DAP: variants seen among roughly 807,000 people sequenced by gnomAD.
DAP encodes death associated protein.
DAP carries 8 observed loss-of-function variants against 13.8 expected under a neutral mutation model. That is an observed-to-expected ratio of 0.58 (90% CI 0.34 to 1.05). The LOEUF is 1.05. Among genes scored for constraint, DAP ranks in the 50% least tolerant of loss-of-function variants. DAP has a pLI of 0.03. For synonymous variants in DAP, 47 were observed against 47.5 expected (o/e 0.99, Z 0.04); for missense variants, 106 against 133.2 (o/e 0.80, Z 1.01).
At chr5:10,715,661 G>A (rs1227614847) in intron 2 of DAP, among the ~76,000 whole-genome samples, 2 of 152,144 alleles carry the variant, frequency 1.3e-5, no homozygotes, top group Non-Finnish European at 2.9e-5. Flanking sequence ...TAACGCAGTT[G>A]TTAGGAAGTG....
intron 2 of DAP, among the ~76,000 whole-genome samples, chr5:10,728,879 A>G (rs55976501): frequency 0.089 from 13,483 of 152,230 alleles, 817 homozygotes; most frequent in African/African-American, 0.17. Context: ...CCCAGAATCA[A>G]TGACATCATT....
intron 3 of DAP, among the ~76,000 whole-genome samples, chr5:10,681,800 G>A (rs879708092): frequency 9.9e-5 from 12 of 120,752 alleles, no homozygotes; most frequent in Non-Finnish European, 1.6e-4. Flanking sequence ...CTGCAGGAAG[G>A]ATGGCGGTTG....
At chr5:10,703,848 TG>T (rs1738638365) in intron 2 of DAP, among the ~76,000 whole-genome samples, 2 of 152,236 alleles carry the variant, frequency 1.3e-5, no homozygotes, top group Admixed American at 6.5e-5. Context: ...GGCGTGGCTG[TG>T]GGGATGTGCC....
chr5:10,761,077 G>T lies in DAP; in HGVS notation c.-9C>A. The T allele has an allele frequency of 8.2e-7, 1 of 1,212,432 alleles. No homozygotes were observed. Among genetic ancestry groups the T allele is most frequent in the Non-Finnish European group, 1.0e-6 (1 of 963,762 alleles). The allele number at this position is 1,212,432 out of a possible 1,614,324, so 75.1% of individuals were successfully genotyped here. On this transcript the variant is annotated 5_prime_UTR_variant, in exon 1 of 4. Coordinates refer to ENST00000230895, the MANE Select transcript of DAP (RefSeq NM_004394.3). Reference sequence around the variant, plus strand: ...TCGGGAGGCGAAGACATGACGCGGCGGGGCTTCCGCGGGGCCGAGGCGGCG... The same window carrying T: ...TCGGGAGGCGAAGACATGACGCGGCTGGGCTTCCGCGGGGCCGAGGCGGCG...
intron 2 of DAP, among the ~76,000 whole-genome samples, chr5:10,721,404 A>T (rs990926490): frequency 2.6e-5 from 4 of 152,184 alleles, no homozygotes; most frequent in African/African-American, 9.7e-5. Flanking sequence ...TGAAGTTAAG[A>T]TTGCCTGGAC....
At position 10,761,158 on chromosome 5, in the gene DAP, GGAGC is replaced by G. The variant is rs1402990285; in HGVS notation, c.-94_-91del. On this transcript the variant is annotated 5_prime_UTR_variant, in exon 1 of 4. Transcript: ENST00000230895. The stretch of plus-strand genomic sequence containing the variant: ...GAGTGAGCTCAGGTGTGAGCGCCGG[GGAGC>G]GAGCGGGCGGGAGAACGACGCGCGC... 3 of 742,100 alleles carry G rather than the reference GGAGC, an allele frequency of 4.0e-6. No homozygotes were observed. In the African/African-American group the frequency reaches 5.7e-5, roughly 14 times the overall value. The allele number at this position is 742,100 out of a possible 1,614,324, so 46.0% of individuals were successfully genotyped here.
chr5:10,680,495 C>G lies in DAP; in HGVS notation c.*561G>C. 1 of 551,108 alleles carries G rather than the reference C, an allele frequency of 1.8e-6. No individual in the cohort carries two copies. The highest frequency in any genetic ancestry group is 3.2e-6 in the Non-Finnish European group (1 of 314,010). 34.1% of individuals were successfully genotyped at this position (551,108 alleles called of 1,614,324 possible). On this transcript the variant is annotated 3_prime_UTR_variant, in exon 4 of 4. Coordinates refer to ENST00000230895, the MANE Select transcript of DAP (RefSeq NM_004394.3). ...TAAGATGCATGCTTTTTCGGCTTTT[C>G]TCATGGGTGCCTCATCAGCCTGCAC...
At chr5:10,728,729 G>C (rs1739355447) in intron 2 of DAP, among the ~76,000 whole-genome samples, 1 of 152,170 alleles carries the variant, frequency 6.6e-6, no homozygotes, top group Non-Finnish European at 1.5e-5. Context: ...CACAGCACTG[G>C]ACAGGGGGCT....
chr5:10,753,508 G>A (rs1321395212), intron 1 of DAP, among the ~76,000 whole-genome samples: 1 of 152,200 alleles, frequency 6.6e-6, no homozygotes, highest in African/African-American at 2.4e-5. Context: ...CTTTACCTAC[G>A]GTCACATCTG....
chr5:10,761,110 T>G lies in DAP; in HGVS notation c.-42A>C. The G allele has an allele frequency of 7.0e-6, 8 of 1,141,308 alleles. No homozygotes were observed. The highest frequency in any genetic ancestry group is 5.5e-6 in the Non-Finnish European group (5 of 907,138). The allele number at this position is 1,141,308 out of a possible 1,614,324, so 70.7% of individuals were successfully genotyped here. On this transcript the variant is annotated 5_prime_UTR_variant, in exon 1 of 4. Transcript: ENST00000230895. The stretch of plus-strand genomic sequence containing the variant: ...CGCGGGGCCGAGGCGGCGGCGCGGT[T>G]CTCGGGCCGGGCGGGCGTGCGCGAG...
At chr5:10,710,024 T>C (rs1032488089) in intron 2 of DAP, among the ~76,000 whole-genome samples, 11 of 152,178 alleles carry the variant, frequency 7.2e-5, no homozygotes, top group African/African-American at 2.4e-4. Flanking sequence ...TCGAGGCTGA[T>C]TGCCAGGCTC....
intron 2 of DAP, among the ~76,000 whole-genome samples, chr5:10,689,971 C>T (rs1004252815): frequency 6.6e-6 from 1 of 152,190 alleles, no homozygotes; most frequent in African/African-American, 2.4e-5. Flanking sequence ...GGAAGAACAA[C>T]ATGAAGGCCT....
chr5:10,734,714 G>A (rs62336770), intron 2 of DAP, among the ~76,000 whole-genome samples: 8,265 of 152,258 alleles, frequency 0.054, 270 homozygotes, highest in South Asian at 0.082. Flanking sequence ...TGGGAGAAAT[G>A]TTTAATTTCT....
In DAP at chr5:10,680,613, A is replaced by C; in HGVS notation, c.*443T>G. 1 of 965,124 alleles carries C rather than the reference A, an allele frequency of 1.0e-6. No homozygotes were observed. The highest frequency in any genetic ancestry group is 1.5e-6 in the Non-Finnish European group (1 of 664,372). 59.8% of individuals were successfully genotyped at this position (965,124 alleles called of 1,614,324 possible). ...AGGGGCCGCCCAAACTCATTCCCTT[A>C]GTTCTTACTCTCCCACAGGTGTTGA... On this transcript the variant is annotated 3_prime_UTR_variant, in exon 4 of 4. Transcript: ENST00000230895.
At chr5:10,714,738 A>G (rs1272257248) in intron 2 of DAP, among the ~76,000 whole-genome samples, 12 of 152,172 alleles carry the variant, frequency 7.9e-5, no homozygotes, top group Non-Finnish European at 1.6e-4. Context: ...TGAACGGTTT[A>G]GTACCACCCC....
intron 2 of DAP, among the ~76,000 whole-genome samples, chr5:10,734,790 T>G (rs948191893): frequency 6.6e-6 from 1 of 152,252 alleles, no homozygotes; most frequent in East Asian, 1.9e-4. Flanking sequence ...GGCAGTCCCA[T>G]GTGCTTAAGA....
intron 1 of DAP, among the ~76,000 whole-genome samples, chr5:10,753,308 G>A (rs539501901): frequency 2.6e-5 from 4 of 152,334 alleles, no homozygotes; most frequent in East Asian, 1.9e-4. Flanking sequence ...ACCCTTAATC[G>A]TAGGTAAGCC....
At chr5:10,736,354 A>C (rs1356008299) in intron 2 of DAP, among the ~76,000 whole-genome samples, 1 of 152,116 alleles carries the variant, frequency 6.6e-6, no homozygotes, top group Non-Finnish European at 1.5e-5. Context: ...GCCCACTCTA[A>C]CCTGGGTGGA....
intron 1 of DAP, among the ~76,000 whole-genome samples, chr5:10,753,592 G>A (rs1349641903): frequency 1.3e-5 from 2 of 152,234 alleles, no homozygotes; most frequent in East Asian, 3.9e-4. Flanking sequence ...CAGGTGTCAG[G>A]ATGCCTGGCT....
Sources: gnomAD v4.1 joint callset for allele counts (sites outside exome capture counted in the v4.1 genomes callset) on GRCh38, gnomAD v4.1.1 for gene constraint, MANE v1.5 for transcripts, NCBI Gene and HGNC (gene_info 2026-07-23, HGNC 2026-07-21) for gene names.